ANK3: variants seen among roughly 807,000 people sequenced by gnomAD.
ANK3 encodes the protein ankyrin-3.
A neutral mutation model predicts 370.9 loss-of-function variants in ANK3; 57 were observed. That is an observed-to-expected ratio of 0.15 (90% CI 0.12 to 0.19). The LOEUF is 0.19. Among genes scored for constraint, ANK3 ranks in the 10% least tolerant of loss-of-function variants. The pLI is 1.00. For missense variants in ANK3, 4,439 were observed against 5,302.1 expected, an observed-to-expected ratio of 0.84 and a Z score of 5.06; for synonymous variants, 1,929 against 1,946.3, an observed-to-expected ratio of 0.99 and a Z score of 0.23.
intron 2 of ANK3, chr10:60,615,049 A>G: frequency 1.8e-6 from 1 of 562,560 alleles, no homozygotes; most frequent in Non-Finnish European, 2.8e-6. Flanking sequence ...TAAAAATAAC[A>G]ACAACAACAA....
intron 41 of ANK3, 149 bp downstream of exon 41, chr10:60,059,191 G>A: frequency 1.6e-6 from 1 of 628,534 alleles, no homozygotes; most frequent in Non-Finnish European, 2.8e-6. Flanking sequence ...TTCCTTTCCA[G>A]ATTAGCATAA....
At chr10:60,080,129 C>G (rs1400807815) in intron 36 of ANK3, among the ~76,000 whole-genome samples, 3 of 152,058 alleles carry the variant, frequency 2.0e-5, no homozygotes, top group Admixed American at 2.0e-4. Context: ...GACAACCTAT[C>G]TATACTGAGA....
At chr10:60,660,442 T>C (rs780123554) in intron 1 of ANK3, among the ~76,000 whole-genome samples, 45 of 152,198 alleles carry the variant, frequency 3.0e-4, no homozygotes, top group Admixed American at 7.9e-4. Context: ...ACAGTAATCA[T>C]AGTTTGTATT....
chr10:60,689,302 G>C (rs532113214), intron 1 of ANK3, among the ~76,000 whole-genome samples: 5 of 152,206 alleles, frequency 3.3e-5, no homozygotes, highest in African/African-American at 9.7e-5. Flanking sequence ...GGGAGGTTGA[G>C]GTAGGAGGAT....
intron 2 of ANK3, among the ~76,000 whole-genome samples, chr10:60,409,246 G>T (rs2063512465): frequency 6.6e-6 from 1 of 152,154 alleles, no homozygotes; most frequent in Admixed American, 6.5e-5. Context: ...CATGAAACTT[G>T]CTACCCAAAC....
intron 2 of ANK3, among the ~76,000 whole-genome samples, chr10:60,514,392 G>A (rs2076165363): frequency 6.6e-6 from 1 of 152,088 alleles, no homozygotes. Context: ...TAAAGTTTAG[G>A]TATTAAGCAA....
Position 60,181,425 on chromosome 10 carries a change from G to A in ANK3, c.2088C>T (p.Ser696=), listed in dbSNP as rs150739344. ...CAGCCAAATGGAGTGGGGTCAGGCC[G>A]CTCTGCAAAAGATTCAAAGGGCACA... is the stretch of plus-strand genomic sequence containing the variant. ...RNANVNLSNK[S]GLTPLHLAAQ... The change falls in exon 18 of 44, where the codon AGC becomes AGT. Residue 696 remains serine (S), a splice_region_variant and synonymous_variant. Coordinates refer to ENST00000280772, the MANE Select transcript of ANK3 (RefSeq NM_020987.5). 175 of 1,613,958 alleles carry A rather than the reference G, an allele frequency of 1.1e-4. 1 individual carries two copies. The South Asian group carries it at 1.3e-3, about 12-fold the overall frequency.
intron 32 of ANK3, chr10:60,083,910 T>C (rs2085956933): frequency 1.4e-5 from 3 of 221,936 alleles, no homozygotes; most frequent in Non-Finnish European, 2.6e-5. Flanking sequence ...CTTATTCGTA[T>C]AGATTTTGAA....
At position 60,105,889 on chromosome 10, in the gene ANK3, G is replaced by C. The variant is rs761512332; in HGVS notation, c.3328+16C>G. 2.5e-6 allele frequency: 4 copies of C among 1,595,896 alleles called. No individual in the cohort carries two copies. In the South Asian group the frequency reaches 4.6e-5, roughly 18 times the overall value. ...GCCTGCAGACATTTACAGAACCAAGGAGCCATCATTATTACCTTCATCCAT... is the reference window on the plus strand; with the variant it reads ...GCCTGCAGACATTTACAGAACCAAGCAGCCATCATTATTACCTTCATCCAT... On this transcript the variant is annotated intron_variant, in intron 28 of 43. Coordinates refer to ENST00000280772, the MANE Select transcript of ANK3 (RefSeq NM_020987.5).
At chr10:60,393,927 A>G (rs1473843401), upstream of ANK3, among the ~76,000 whole-genome samples, 1 of 151,902 alleles carries the variant, frequency 6.6e-6, no homozygotes, top group African/African-American at 2.4e-5. Context: ...TGGAAGTAAG[A>G]AAGAAACTAA....
chr10:60,396,716 T>C (rs142425191), intron 2 of ANK3, among the ~76,000 whole-genome samples: 122 of 152,304 alleles, frequency 8.0e-4, no homozygotes, highest in Middle Eastern at 6.8e-3. Context: ...TATATAGTAA[T>C]TATATTTAAG....
chr10:60,425,664 T>TA (rs2063870611), intron 2 of ANK3, among the ~76,000 whole-genome samples: 1 of 152,052 alleles, frequency 6.6e-6, no homozygotes, highest in Non-Finnish European at 1.5e-5. Context: ...TTTCCTTGCC[T>TA]AAAAAATACA....
chr10:60,576,182 A>G (rs2077680480), intron 2 of ANK3, among the ~76,000 whole-genome samples: 1 of 152,220 alleles, frequency 6.6e-6, no homozygotes, highest in South Asian at 2.1e-4. Context: ...ACCAAAGAGG[A>G]AAACACGACT....
chr10:60,054,129 C>CAG (rs1319502062), intron 42 of ANK3, among the ~76,000 whole-genome samples: 1 of 152,194 alleles, frequency 6.6e-6, no homozygotes, highest in East Asian at 1.9e-4. Flanking sequence ...TGTACACACA[C>CAG]AGCGGTGTTT....
intron 12 of ANK3, among the ~76,000 whole-genome samples, chr10:60,201,761 G>C (rs150008861): frequency 0.12 from 17,819 of 147,154 alleles, 1,290 homozygotes; most frequent in East Asian, 0.29. Flanking sequence ...GCCCAGTCTA[G>C]AGTGCAGTGG....
rs2133423833 is a variant in ANK3 at position 60,706,342 on chromosome 10, C to T, written c.57+26921G>A. Among the ~76,000 whole-genome samples the T allele has an allele frequency of 2.0e-5, 3 of 152,288 alleles. No individual in the cohort carries two copies. In the Middle Eastern group the frequency reaches 0.01, roughly 518 times the overall value. On this transcript the variant is annotated intron_variant, in intron 1 of 43. Coordinates refer to the ANK3 transcript ENST00000373827. Reference sequence around the variant, plus strand: ...ACCATAAGATAAACCCCTCCCTCACCAGAGACATGCCAGCCCCAAGGTAAC... The same window carrying T: ...ACCATAAGATAAACCCCTCCCTCACTAGAGACATGCCAGCCCCAAGGTAAC...
Position 60,075,952 on chromosome 10 carries a change from G to T in ANK3, c.4929C>A (p.Pro1643=). ...TAATGTTTGATTTGGGGGAGGCAGG[G>T]GGTGTCATAGTAATTGATGACCTCT... is the stretch of plus-strand genomic sequence containing the variant. The part of the protein sequence containing the change: ...LLERSSITMT[P]PASPKSNINM... The change falls in exon 37 of 44, where the codon CCC becomes CCA. Residue 1643 remains proline (P), a synonymous_variant. Transcript: ENST00000280772. 1 of 1,614,124 alleles carries T rather than the reference G, an allele frequency of 6.2e-7. No individual in the cohort carries two copies. The highest frequency in any genetic ancestry group is 8.5e-7 in the Non-Finnish European group (1 of 1,180,000).
chr10:60,687,457 A>G (rs529288651), intron 1 of ANK3, among the ~76,000 whole-genome samples: 108 of 152,270 alleles, frequency 7.1e-4, no homozygotes, highest in African/African-American at 2.4e-3. Context: ...AATGCTCGAC[A>G]TCACTAATCA....
At chr10:60,193,174 G>C (rs1457525406) in intron 16 of ANK3, among the ~76,000 whole-genome samples, 1 of 152,178 alleles carries the variant, frequency 6.6e-6, no homozygotes, top group Non-Finnish European at 1.5e-5. Flanking sequence ...AGAAAAGCCT[G>C]TGTTTAATTG....
Sources: gnomAD v4.1 joint callset for allele counts (sites outside exome capture counted in the v4.1 genomes callset) on GRCh38, gnomAD v4.1.1 for gene constraint, MANE v1.5 for transcripts, NCBI Gene and HGNC (gene_info 2026-07-23, HGNC 2026-07-21) for gene names.